Variants in HECTD2 observed in about 807,000 individuals in gnomAD.
The protein encoded by HECTD2 is HECT domain E3 ubiquitin protein ligase 2, also known as probable E3 ubiquitin-protein ligase HECTD2.
A neutral mutation model predicts 103.2 loss-of-function variants in HECTD2; 35 were observed. The ratio of observed to expected loss-of-function variants is 0.34; its 90% CI spans 0.26 to 0.45. The LOEUF (loss-of-function observed/expected upper bound fraction) is 0.45. Ranked by LOEUF, HECTD2 falls within the 20% of genes least tolerant of loss-of-function variation. HECTD2 has a pLI of 1.00. For missense variants in HECTD2, 596 were observed against 937.4 expected, an observed-to-expected ratio of 0.64 and a Z score of 4.76; for synonymous variants, 281 against 329.9, an observed-to-expected ratio of 0.85 and a Z score of 1.61.
At chr10:91,415,417 A>C (rs572283177) in intron 1 of HECTD2, among the ~76,000 whole-genome samples, 1 of 152,240 alleles carries the variant, frequency 6.6e-6, no homozygotes, top group Non-Finnish European at 1.5e-5. Context: ...TATAACAATA[A>C]TAGCTACTTA....
intron 1 of HECTD2, among the ~76,000 whole-genome samples, chr10:91,412,005 T>C (rs866810072): frequency 2.9e-5 from 4 of 136,224 alleles, no homozygotes; most frequent in South Asian, 2.1e-4. Context: ...CCTATTCATC[T>C]CATAACTGAA....
chr10:91,430,909 T>C (rs1843833809), intron 2 of HECTD2, among the ~76,000 whole-genome samples: 1 of 151,658 alleles, frequency 6.6e-6, no homozygotes, highest in South Asian at 2.1e-4. Context: ...TGTGTGAATT[T>C]GATCCTGTCA....
intron 2 of HECTD2, among the ~76,000 whole-genome samples, chr10:91,429,051 C>T (rs534179348): frequency 1.3e-5 from 2 of 152,180 alleles, no homozygotes; most frequent in Non-Finnish European, 2.9e-5. Flanking sequence ...AAATGTGTCC[C>T]ATCAATACCT....
chr10:91,422,110 A>G (rs759307355), intron 1 of HECTD2, among the ~76,000 whole-genome samples: 5 of 152,114 alleles, frequency 3.3e-5, no homozygotes, highest in Non-Finnish European at 7.4e-5. Context: ...ATCATGTCAT[A>G]TCTTGCTTAG....
intron 11 of HECTD2, among the ~76,000 whole-genome samples, chr10:91,490,876 G>A (rs1318434760): frequency 8.8e-6 from 1 of 113,242 alleles, no homozygotes. Flanking sequence ...GGGCGAAAGA[G>A]TGAGACTCCG....
Position 91,512,926 on chromosome 10 carries a change from G to A in HECTD2, c.*542G>A, listed in dbSNP as rs1334300611. On this transcript the variant is annotated 3_prime_UTR_variant, in exon 21 of 21. Coordinates refer to ENST00000298068, the MANE Select transcript of HECTD2 (RefSeq NM_182765.6). ...GATTCTTCTCAGCAGTTGCTGAAAA[G>A]CATGTAAATAACTACATAATAGCCT... 1 of 152,816 alleles carries A rather than the reference G, an allele frequency of 6.5e-6. No homozygotes were observed. The allele number at this position is 152,816 out of a possible 1,614,324, so 9.5% of individuals were successfully genotyped here. A position where few individuals can be genotyped will look rare whatever the true frequency, so the allele number is the denominator to read the frequency against.
intron 20 of HECTD2, among the ~76,000 whole-genome samples, chr10:91,503,268 G>A (rs1218554279): frequency 6.6e-6 from 1 of 152,130 alleles, no homozygotes; most frequent in Non-Finnish European, 1.5e-5. Flanking sequence ...AAAAATGAGG[G>A]AGGAGCCAAG....
intron 2 of HECTD2, among the ~76,000 whole-genome samples, chr10:91,438,214 T>G (rs577421189): frequency 6.6e-5 from 10 of 152,260 alleles, no homozygotes. Context: ...GTATTTCTCC[T>G]AATGCTATCC....
intron 5 of HECTD2, among the ~76,000 whole-genome samples, chr10:91,476,401 T>A (rs1175780173): frequency 6.6e-6 from 1 of 151,988 alleles, no homozygotes; most frequent in South Asian, 2.1e-4. Context: ...CACCCAGAAA[T>A]AGGTTTGGAG....
rs573226427 is a variant in HECTD2, at chr10:91,504,336, G to A, written c.2210+3002G>A. 2.2e-4 allele frequency among the ~76,000 whole-genome samples: 34 copies of A among 152,098 alleles called. 1 individual carries two copies. In the East Asian group the frequency reaches 4.1e-3, roughly 18 times the overall value. ...AGATGATCAAATTACTCTGAGCTAC[G>A]GGAGGACATTCAAACCAAAGGCAAA... is the stretch of plus-strand genomic sequence containing the variant. On this transcript the variant is annotated intron_variant, in intron 20 of 20. Coordinates refer to ENST00000298068, the MANE Select transcript of HECTD2 (RefSeq NM_182765.6).
chr10:91,512,456 A>G lies in HECTD2; in HGVS notation c.*72A>G, dbSNP rs190753529. On this transcript the variant is annotated 3_prime_UTR_variant, in exon 21 of 21. Coordinates refer to ENST00000298068, the MANE Select transcript of HECTD2 (RefSeq NM_182765.6). ...CTCTTACTGTGCCTTTAGCCTTTTC[A>G]TGTTTCTGTCTCAAAACACTTTGAC... The G allele has an allele frequency of 2.9e-3, 3,863 of 1,335,316 alleles. 152 individuals carry two copies. In the Admixed American group the frequency reaches 0.072, roughly 25 times the overall value. The allele number at this position is 1,335,316 out of a possible 1,614,324, so 82.7% of individuals were successfully genotyped here. A position where few individuals can be genotyped will look rare whatever the true frequency, so the allele number is the denominator to read the frequency against.
chr10:91,476,977 G>A (rs892405883), intron 5 of HECTD2, among the ~76,000 whole-genome samples: 24 of 151,088 alleles, frequency 1.6e-4, no homozygotes, highest in African/African-American at 5.1e-4. Flanking sequence ...TCAGGAGATC[G>A]AGACCATCCT....
At chr10:91,409,281 A>T (rs1456431004), upstream of HECTD2, 2 of 152,186 alleles carry the variant, frequency 1.3e-5, no homozygotes, top group African/African-American at 4.8e-5. Context: ...GGCGACAAGA[A>T]AGGAAAGGAA....
At chr10:91,503,276 A>T (rs2133359415) in intron 20 of HECTD2, among the ~76,000 whole-genome samples, 1 of 152,348 alleles carries the variant, frequency 6.6e-6, no homozygotes, top group Middle Eastern at 3.4e-3. Context: ...GGGAGGAGCC[A>T]AGATGGCCGA....
intron 11 of HECTD2, chr10:91,490,009 A>C (rs1322016094): frequency 6.6e-6 from 1 of 152,192 alleles, no homozygotes; most frequent in Non-Finnish European, 1.5e-5. Flanking sequence ...GACAAATGAC[A>C]TATTCCTTAT....
intron 2 of HECTD2, 56 bp downstream of exon 2, chr10:91,425,466 AAGT>A: frequency 7.9e-7 from 1 of 1,270,260 alleles, no homozygotes; most frequent in Non-Finnish European, 1.1e-6. Flanking sequence ...TTATTTTTAA[AAGT>A]AGACATTAAT....
intron 2 of HECTD2, among the ~76,000 whole-genome samples, chr10:91,459,047 T>G (rs1242088823): frequency 6.6e-6 from 1 of 151,870 alleles, no homozygotes. Flanking sequence ...AGTAATCCAG[T>G]CAGAACACAG....
At chr10:91,439,370 A>G (rs1844288194) in intron 2 of HECTD2, among the ~76,000 whole-genome samples, 1 of 152,196 alleles carries the variant, frequency 6.6e-6, no homozygotes, top group African/African-American at 2.4e-5. Context: ...CAGATTTGTC[A>G]AAGATCAGAT....
chr10:91,467,924 A>G (rs1193318863), intron 5 of HECTD2, among the ~76,000 whole-genome samples: 1 of 148,544 alleles, frequency 6.7e-6, no homozygotes, highest in Non-Finnish European at 1.5e-5. Flanking sequence ...ATGCATGTGC[A>G]CAGAGTCCAG....
Sources: gnomAD v4.1 joint callset for allele counts (sites outside exome capture counted in the v4.1 genomes callset) on GRCh38, gnomAD v4.1.1 for gene constraint, MANE v1.5 for transcripts, NCBI Gene and HGNC (gene_info 2026-07-23, HGNC 2026-07-21) for gene names.